The following DSG3 variants were observed in gnomAD, a reference collection of about 807,000 sequenced individuals.
The protein encoded by DSG3 is desmoglein-3.
In DSG3, 63 loss-of-function variants were observed where a neutral mutation model predicts 85.9. The observed-to-expected ratio is 0.73, with a 90% CI of 0.60 to 0.90. The LOEUF is 0.90. Ranked by LOEUF, DSG3 falls within the 40% of genes least tolerant of loss-of-function variation. The pLI, the probability that DSG3 is intolerant of heterozygous loss-of-function variation, is 0.00. For synonymous variants in DSG3, 447 were observed against 441.9 expected (o/e 1.01, Z -0.14); for missense variants, 1,220 against 1,219.9 (o/e 1.00, Z 0.00).
At chr18:31,462,560 C>T (rs1161941643) in intron 8 of DSG3, among the ~76,000 whole-genome samples, 3 of 152,200 alleles carry the variant, frequency 2.0e-5, no homozygotes, top group Non-Finnish European at 2.9e-5. Context: ...TAAACTCCCA[C>T]CAATGCCTGG....
chr18:31,475,750 C>T lies in DSG3; in HGVS notation c.2490C>T (p.Ser830=), dbSNP rs150042139. ...GADATGSPVG[S]VGCCSFIADD... ...ATGCCACTGGTTCTCCTGTGGGCTC[C>T]GTGGGTTGTTGCAGTTTTATTGCTG... Residue 830 remains serine (S), a synonymous_variant, in exon 16 of 16, where the codon TCC becomes TCT. Transcript: ENST00000257189. 3,405 of 1,614,084 alleles carry T rather than the reference C, an allele frequency of 2.1e-3. 3 individuals are homozygous for T. The highest frequency in any genetic ancestry group is 2.5e-3 in the Non-Finnish European group (2,903 of 1,180,030).
chr18:31,450,002 T>A (rs2144257896), intron 1 of DSG3, among the ~76,000 whole-genome samples: 1 of 152,356 alleles, frequency 6.6e-6, no homozygotes, highest in South Asian at 2.1e-4. Context: ...AATGATAGTA[T>A]TTTGGATGTA....
At chr18:31,448,411 A>G (rs1169379847) in intron 1 of DSG3, among the ~76,000 whole-genome samples, 1 of 152,198 alleles carries the variant, frequency 6.6e-6, no homozygotes, top group Admixed American at 6.5e-5. Context: ...TTGACTCTAG[A>G]GAAGTTGGGA....
Position 31,464,322 on chromosome 18 carries a change from A to G in DSG3, c.1211A>G (p.Tyr404Cys), listed in dbSNP as rs753597347. The G allele has an allele frequency of 1.2e-6, 2 of 1,614,164 alleles. No individual in the cohort carries two copies. Among genetic ancestry groups the G allele is most frequent in the Non-Finnish European group, 1.7e-6 (2 of 1,180,006 alleles). ...ATAAGTAGCAAAAAATTGGTGGATT[A>G]TATCCTGGGAACATATCAAGCCATC... ...KGISSKKLVD[Y>C]ILGTYQAIDE... The change falls in exon 9 of 16, where the codon TAT (tyrosine) becomes TGT (cysteine). Residue 404 changes from tyrosine (Y) to cysteine (C), a missense_variant. Tyr to Cys is a radical substitution (Grantham distance 194). Transcript: ENST00000257189.
Position 31,460,012 on chromosome 18 carries a change from G to A in DSG3, c.684+1G>A, listed in dbSNP as rs1231641111. ...TTTGACCAATTCTCTTGACCGAGAG[G>A]TACAGCAAAGCACTTGGGGGAACAT... is the stretch of plus-strand genomic sequence containing the variant. On this transcript the variant is annotated splice_donor_variant, in intron 6 of 15. Coordinates refer to ENST00000257189, the MANE Select transcript of DSG3 (RefSeq NM_001944.3). LOFTEE classifies it high-confidence loss of function. 6.2e-7 allele frequency: 1 copy of A among 1,611,774 alleles called. No homozygotes were observed. The highest frequency in any genetic ancestry group is 1.1e-5 in the South Asian group (1 of 90,520).
At chr18:31,453,864 A>G (rs1485173466) in intron 1 of DSG3, among the ~76,000 whole-genome samples, 1 of 152,110 alleles carries the variant, frequency 6.6e-6, no homozygotes, top group Non-Finnish European at 1.5e-5. Context: ...GTCATTCCAC[A>G]GTTTATACAT....
Position 31,472,774 on chromosome 18 carries a change from T to C in DSG3, c.2087T>C (p.Phe696Ser), listed in dbSNP as rs745675776. 1 of 1,614,094 alleles carries C rather than the reference T, an allele frequency of 6.2e-7. No homozygotes were observed. The highest frequency in any genetic ancestry group is 1.1e-5 in the South Asian group (1 of 91,078). ...CCTGTAACAGCCAATGGAGCCGATT[T>C]CATGGAAAGTTCTGGTAAGTGGACA... Reference protein sequence around the residue: ...VPPVTANGADFMESSEVCTNT... With the variant: ...VPPVTANGADSMESSEVCTNT... The change falls in exon 14 of 16, where the codon TTC becomes TCC. Residue 696 changes from phenylalanine to serine, a missense_variant. Physicochemically the swap from Phe to Ser is radical, Grantham distance 155. Transcript: ENST00000257189.
At chr18:31,462,105 C>T (rs2072790216) in intron 8 of DSG3, among the ~76,000 whole-genome samples, 2 of 146,464 alleles carry the variant, frequency 1.4e-5, no homozygotes, top group Non-Finnish European at 3.0e-5. Flanking sequence ...CAAGGTCTCA[C>T]TCTGTCATCT....
chr18:31,461,667 T>C (rs976443180), intron 8 of DSG3, among the ~76,000 whole-genome samples: 7 of 152,226 alleles, frequency 4.6e-5, no homozygotes, highest in African/African-American at 1.7e-4. Flanking sequence ...AGTGATGATG[T>C]ATACTTTAAG....
chr18:31,461,244 A>T lies in DSG3; in HGVS notation c.831A>T (p.Glu277Asp), dbSNP rs1268670262. The change falls in exon 8 of 16, where the codon GAA (glutamate) becomes GAT (aspartate). Residue 277 changes from glutamate to aspartate, a missense_variant. Glu to Asp is a conservative substitution (Grantham distance 45, BLOSUM62 2). Transcript: ENST00000257189. ...CTTTTCAGTATTCAGCACGTATTGA[A>T]GAAAATATTTTAAGTTCTGAATTAC... ...FRDSQYSARI[E>D]ENILSSELLR... 6.8e-6 allele frequency: 11 copies of T among 1,613,044 alleles called. No homozygotes were observed. The highest frequency in any genetic ancestry group is 1.3e-5 in the African/African-American group (1 of 74,898).
In DSG3 at chr18:31,472,670, T is replaced by C. The variant is rs1382261028; in HGVS notation, c.2038-55T>C. The stretch of plus-strand genomic sequence containing the variant: ...TTGCAAAGGGCCACATGTCACTATA[T>C]TGCTCTGAAATCTGGTTCACTTTTA... On this transcript the variant is annotated intron_variant, in intron 13 of 15. Transcript: ENST00000257189. The C allele has an allele frequency of 4.4e-6, 7 of 1,574,956 alleles. No homozygotes were observed. In the Admixed American group the frequency reaches 5.0e-5, roughly 11 times the overall value.
At chr18:31,451,947 A>G (rs1212300968) in intron 1 of DSG3, among the ~76,000 whole-genome samples, 2 of 152,184 alleles carry the variant, frequency 1.3e-5, no homozygotes, top group African/African-American at 4.8e-5. Context: ...TACATAGACA[A>G]TTTGGTTACT....
intron 7 of DSG3, 87 bp from the exon 8 acceptor site, chr18:31,461,140 G>C: frequency 7.8e-7 from 1 of 1,285,802 alleles, no homozygotes; most frequent in Non-Finnish European, 1.1e-6. Context: ...CATAATTTGA[G>C]AAATAAGGAT....
intron 1 of DSG3, among the ~76,000 whole-genome samples, chr18:31,450,225 T>C (rs1320221343): frequency 1.3e-5 from 2 of 152,138 alleles, no homozygotes; most frequent in African/African-American, 4.8e-5. Flanking sequence ...TTTGAGCTGA[T>C]TTGGGATAAG....
At chr18:31,457,149 T>C in intron 3 of DSG3, 25 bp downstream of exon 3, 1 of 1,593,962 alleles carries the variant, frequency 6.3e-7, no homozygotes, top group Non-Finnish European at 8.5e-7. Flanking sequence ...CAGGAGCGTA[T>C]GAGTTTTTAG....
In DSG3 at chr18:31,452,110, G is replaced by A. The variant is rs1051708196; in HGVS notation, c.48+4185G>A. The stretch of plus-strand genomic sequence containing the variant: ...GAGGAGTGCCCTGGCATTACTCAAG[G>A]AGCAACCTACACAATTGTACAGTGG... On this transcript the variant is annotated intron_variant, in intron 1 of 15. Coordinates refer to ENST00000257189, the MANE Select transcript of DSG3 (RefSeq NM_001944.3). 3.5e-4 allele frequency among the ~76,000 whole-genome samples: 53 copies of A among 152,126 alleles called. 1 individual carries two copies. The highest frequency in any genetic ancestry group is 3.3e-3 in the Admixed American group (51 of 15,270).
intron 12 of DSG3, 106 bp from the exon 13 acceptor site, chr18:31,472,178 A>C: frequency 6.6e-7 from 1 of 1,516,708 alleles, no homozygotes; most frequent in Non-Finnish European, 8.9e-7. Context: ...TTTTCTACAA[A>C]TATTTAAGAT....
chr18:31,473,065 A>G (rs1417716319), intron 14 of DSG3, among the ~76,000 whole-genome samples: 6 of 152,040 alleles, frequency 3.9e-5, no homozygotes, highest in Non-Finnish European at 8.8e-5. Flanking sequence ...TGTAGTTCTC[A>G]GGCAATCAAT....
chr18:31,449,712 A>G (rs1352759037), intron 1 of DSG3, among the ~76,000 whole-genome samples: 1 of 152,222 alleles, frequency 6.6e-6, no homozygotes. Flanking sequence ...GAAACTATGA[A>G]ATGACATGTA....
Sources: gnomAD v4.1 joint callset for allele counts (sites outside exome capture counted in the v4.1 genomes callset) on GRCh38, gnomAD v4.1.1 for gene constraint, MANE v1.5 for transcripts, NCBI Gene and HGNC (gene_info 2026-07-23, HGNC 2026-07-21) for gene names.